NSMCE2: variants seen among roughly 807,000 people sequenced by gnomAD.
NSMCE2 encodes NSE2 SUMO ligase component of SMC5/6 complex, also known as E3 SUMO-protein ligase NSE2.
Under a neutral mutation model 23.8 loss-of-function variants are expected in NSMCE2, and 24 were observed. The ratio of observed to expected loss-of-function variants is 1.01; its 90% CI spans 0.73 to 1.42. The LOEUF (loss-of-function observed/expected upper bound fraction) is 1.42, where lower values mean the gene tolerates loss of function less well. NSMCE2 is among the 40% of genes most tolerant of loss of function. The probability of loss-of-function intolerance (pLI) is 0.00; values close to 1 mark genes in which losing one functional copy is unlikely to be tolerated. For missense variants in NSMCE2, 284 were observed against 296.5 expected, an observed-to-expected ratio of 0.96 and a Z score of 0.31; for synonymous variants, 92 against 94.1, an observed-to-expected ratio of 0.98 and a Z score of 0.13.
At chr8:125,257,789 C>A (rs138545127) in intron 5 of NSMCE2, among the ~76,000 whole-genome samples, 1 of 152,104 alleles carries the variant, frequency 6.6e-6, no homozygotes, top group African/African-American at 2.4e-5. Context: ...CCTCTTCGGC[C>A]TCCCAAAGTC....
intron 5 of NSMCE2, among the ~76,000 whole-genome samples, chr8:125,323,881 A>T (rs1194721619): frequency 6.6e-6 from 1 of 152,204 alleles, no homozygotes; most frequent in African/African-American, 2.4e-5. Flanking sequence ...CAGTCTGGGA[A>T]ATGTTATTTT....
chr8:125,341,755 C>T (rs1586796073), intron 5 of NSMCE2, among the ~76,000 whole-genome samples: 2 of 152,080 alleles, frequency 1.3e-5, no homozygotes, highest in African/African-American at 4.8e-5. Context: ...TATGAAACTA[C>T]AGAACAGTTG....
At chr8:125,128,082 A>G (rs1819597480) in intron 3 of NSMCE2, among the ~76,000 whole-genome samples, 1 of 152,198 alleles carries the variant, frequency 6.6e-6, no homozygotes, top group Admixed American at 6.6e-5. Context: ...AGACATGGCC[A>G]TTGTGCTTTG....
intron 5 of NSMCE2, among the ~76,000 whole-genome samples, chr8:125,209,840 T>A (rs1439708487): frequency 6.6e-6 from 1 of 152,248 alleles, no homozygotes; most frequent in Non-Finnish European, 1.5e-5. Flanking sequence ...ATAGCTCTTA[T>A]CATTTCATGT....
At chr8:125,324,365 A>C (rs576420933) in intron 5 of NSMCE2, among the ~76,000 whole-genome samples, 1 of 152,132 alleles carries the variant, frequency 6.6e-6, no homozygotes, top group African/African-American at 2.4e-5. Flanking sequence ...ACAAATGTTC[A>C]TAGCAGCTTT....
At position 125,282,409 on chromosome 8, in the gene NSMCE2, C is replaced by T. The variant is rs186273265; in HGVS notation, c.419-74810C>T. On this transcript the variant is annotated intron_variant, in intron 5 of 7. Transcript: ENST00000287437. ...GATTATAGGTGTGAGCCACTGCACC[C>T]GGCAAGATCCCTTAATTTTTAAATA... Among the ~76,000 whole-genome samples the T allele has an allele frequency of 2.4e-4, 36 of 152,254 alleles. 1 individual carries two copies. In the East Asian group the frequency reaches 3.9e-3, roughly 16 times the overall value.
intron 5 of NSMCE2, among the ~76,000 whole-genome samples, chr8:125,306,734 C>G (rs770901577): frequency 1.3e-5 from 2 of 152,118 alleles, no homozygotes; most frequent in Non-Finnish European, 2.9e-5. Context: ...GGTAGGTTAT[C>G]TAGTGTAATG....
At chr8:125,213,657 TTC>T (rs908095453) in intron 5 of NSMCE2, among the ~76,000 whole-genome samples, 2 of 148,826 alleles carry the variant, frequency 1.3e-5, no homozygotes, top group African/African-American at 5.0e-5. Context: ...CTTTCTCTGT[TTC>T]TCTCTCTTTC....
At chr8:125,093,557 TAAGTA>T (rs1313667355) in intron 1 of NSMCE2, among the ~76,000 whole-genome samples, 4 of 151,456 alleles carry the variant, frequency 2.6e-5, no homozygotes, top group Non-Finnish European at 5.9e-5. Flanking sequence ...AATAAATAAA[TAAGTA>T]AATAAATAAC....
chr8:125,360,299 G>A (rs542101666), intron 7 of NSMCE2, among the ~76,000 whole-genome samples: 2 of 152,238 alleles, frequency 1.3e-5, no homozygotes, highest in East Asian at 3.9e-4. Flanking sequence ...CAGAACTATC[G>A]ATGTGGATTG....
intron 5 of NSMCE2, among the ~76,000 whole-genome samples, chr8:125,275,116 A>T (rs1332673048): frequency 6.6e-6 from 1 of 151,452 alleles, no homozygotes; most frequent in Non-Finnish European, 1.5e-5. Context: ...ATCTGGTATG[A>T]TAGTCATGTG....
chr8:125,302,645 G>A (rs1017569585), intron 5 of NSMCE2, among the ~76,000 whole-genome samples: 1 of 152,196 alleles, frequency 6.6e-6, no homozygotes, highest in Non-Finnish European at 1.5e-5. Flanking sequence ...AGAACAAGAA[G>A]ATTAGAACAA....
chr8:125,168,423 AT>A (rs1337750618), intron 4 of NSMCE2, among the ~76,000 whole-genome samples: 1 of 152,192 alleles, frequency 6.6e-6, no homozygotes, highest in Non-Finnish European at 1.5e-5. Flanking sequence ...GTCTTGGTTC[AT>A]TTGGCCTACT....
chr8:125,122,371 C>T (rs897918121), intron 3 of NSMCE2, among the ~76,000 whole-genome samples: 12 of 152,002 alleles, frequency 7.9e-5, no homozygotes, highest in African/African-American at 1.7e-4. Flanking sequence ...ATTTGCTTCC[C>T]GAAAAATGGT....
intron 5 of NSMCE2, among the ~76,000 whole-genome samples, chr8:125,326,155 G>A (rs778690124): frequency 5.0e-4 from 75 of 150,998 alleles, no homozygotes; most frequent in Non-Finnish European, 9.0e-4. Context: ...TACTCGGGAG[G>A]CTGAAGCAGG....
At chr8:125,275,292 C>T (rs1420287702) in intron 5 of NSMCE2, among the ~76,000 whole-genome samples, 2 of 152,192 alleles carry the variant, frequency 1.3e-5, no homozygotes, top group Non-Finnish European at 1.5e-5. Flanking sequence ...CCTCACACTT[C>T]ATCCCGTCTT....
At chr8:125,333,366 G>A (rs1829951329) in intron 5 of NSMCE2, among the ~76,000 whole-genome samples, 1 of 151,516 alleles carries the variant, frequency 6.6e-6, no homozygotes, top group South Asian at 2.1e-4. Context: ...GAGACAGGGT[G>A]TCACTAAGTT....
At chr8:125,251,394 G>C (rs1039233822) in intron 5 of NSMCE2, among the ~76,000 whole-genome samples, 2 of 151,930 alleles carry the variant, frequency 1.3e-5, no homozygotes, top group Non-Finnish European at 2.9e-5. Context: ...ATTATATCAC[G>C]GGTCTTAATG....
intron 5 of NSMCE2, among the ~76,000 whole-genome samples, chr8:125,255,726 CTTG>C (rs1287954893): frequency 6.6e-6 from 1 of 152,152 alleles, no homozygotes; most frequent in Non-Finnish European, 1.5e-5. Flanking sequence ...GTACACACAG[CTTG>C]TTATTTTCAT....
Sources: allele counts gnomAD v4.1 joint callset (sites outside exome capture counted in the v4.1 genomes callset), GRCh38; gene constraint gnomAD v4.1.1; transcripts MANE v1.5; gene names NCBI Gene and HGNC (gene_info 2026-07-23, HGNC 2026-07-21).